CALN1: variants seen among roughly 807,000 people sequenced by gnomAD.
CALN1 encodes the protein calneuron 1.
In CALN1, 17 loss-of-function variants were observed where a neutral mutation model predicts 30.6. That is an observed-to-expected ratio of 0.56 (90% CI 0.38 to 0.83). The LOEUF (loss-of-function observed/expected upper bound fraction) is 0.83, where lower values mean the gene tolerates loss of function less well. Among genes scored for constraint, CALN1 ranks in the 40% least tolerant of loss-of-function variants. The pLI is 0.00. For missense variants in CALN1, 291 were observed against 354.9 expected (o/e 0.82, Z 1.45); for synonymous variants, 156 against 131.4 (o/e 1.19, Z -1.28).
intron 4 of CALN1, among the ~76,000 whole-genome samples, chr7:72,065,303 C>A (rs1013784617): frequency 9.2e-5 from 14 of 152,032 alleles, no homozygotes; most frequent in Non-Finnish European, 1.3e-4. Flanking sequence ...AATCTGTTGA[C>A]TGCTGCAAGT....
At chr7:71,925,183 G>A (rs931986076) in intron 5 of CALN1, among the ~76,000 whole-genome samples, 5 of 152,176 alleles carry the variant, frequency 3.3e-5, no homozygotes, top group African/African-American at 1.2e-4. Flanking sequence ...GGAGGCTGCA[G>A]TGAGCTGAGA....
chr7:72,333,274 T>TA (rs1491046834), intron 2 of CALN1, among the ~76,000 whole-genome samples: 2 of 152,212 alleles, frequency 1.3e-5, no homozygotes, highest in Non-Finnish European at 2.9e-5. Flanking sequence ...GCCTCCCCAC[T>TA]AATCTGTGAA....
intron 4 of CALN1, among the ~76,000 whole-genome samples, chr7:72,066,827 G>A (rs986608220): frequency 3.3e-5 from 5 of 151,326 alleles, no homozygotes; most frequent in East Asian, 1.9e-4. Flanking sequence ...TGTTGCCCAA[G>A]CTAGAATACA....
chr7:72,487,734 A>AAAGAAAGAAAGG, the CALN1 span, among the ~76,000 whole-genome samples: 21 of 56,602 alleles, frequency 3.7e-4, no homozygotes, highest in Non-Finnish European at 5.9e-4. Context: ...AGAAAGAAAG[A>AAAGAAAGAAAGG]AAGGAAGGAA....
the CALN1 span, among the ~76,000 whole-genome samples, chr7:72,472,041 G>A: frequency 2.6e-5 from 4 of 151,916 alleles, no homozygotes; most frequent in Non-Finnish European, 4.4e-5. Flanking sequence ...AGAAATCCTC[G>A]CACCTCGACC....
the CALN1 span, among the ~76,000 whole-genome samples, chr7:72,476,998 G>T: frequency 2.5e-4 from 38 of 152,344 alleles, no homozygotes; most frequent in Admixed American, 1.7e-3. Flanking sequence ...ATCATTTGAG[G>T]TTAGGAGTTC....
chr7:72,034,005 G>A (rs1407417276), intron 4 of CALN1, among the ~76,000 whole-genome samples: 2 of 152,108 alleles, frequency 1.3e-5, no homozygotes, highest in African/African-American at 4.8e-5. Context: ...AGGGCAGGAG[G>A]CAAGAGTGAT....
chr7:72,210,647 G>A (rs1792324183), intron 3 of CALN1, among the ~76,000 whole-genome samples: 1 of 152,052 alleles, frequency 6.6e-6, no homozygotes, highest in African/African-American at 2.4e-5. Flanking sequence ...TAAAAAAACA[G>A]CAGATCTCAT....
At position 72,395,859 on chromosome 7, in the gene CALN1, G is replaced by A. The variant is rs562371217; in HGVS notation, c.119+7392C>T. ...CCTGGGGACTTCTGGGACCTTGGCA[G>A]GGATGTCAGGGAAGGAGCCCAGTGA... On this transcript the variant is annotated intron_variant, in intron 2 of 6. Coordinates refer to ENST00000395275, the MANE Select transcript of CALN1 (RefSeq NM_031468.4). Among the ~76,000 whole-genome samples the A allele has an allele frequency of 7.2e-5, 11 of 152,174 alleles. No individual in the cohort carries two copies. In the East Asian group the frequency reaches 2.1e-3, roughly 29 times the overall value.
intron 2 of CALN1, among the ~76,000 whole-genome samples, chr7:72,395,696 G>C (rs1805886615): frequency 6.6e-6 from 1 of 152,146 alleles, no homozygotes; most frequent in Non-Finnish European, 1.5e-5. Flanking sequence ...GTGAAAGAGT[G>C]ATGAAAAGTT....
intron 5 of CALN1, among the ~76,000 whole-genome samples, chr7:71,889,017 A>G (rs904817504): frequency 3.3e-5 from 5 of 152,268 alleles, no homozygotes; most frequent in African/African-American, 9.6e-5. Context: ...AACTTGGGGT[A>G]CCAGCTACAC....
intron 2 of CALN1, among the ~76,000 whole-genome samples, chr7:72,396,576 G>C (rs1805976261): frequency 6.6e-6 from 1 of 152,174 alleles, no homozygotes; most frequent in African/African-American, 2.4e-5. Flanking sequence ...AGAGATATCT[G>C]AGCACATGTG....
At chr7:72,158,361 C>T (rs1787866247) in intron 3 of CALN1, among the ~76,000 whole-genome samples, 1 of 152,124 alleles carries the variant, frequency 6.6e-6, no homozygotes, top group South Asian at 2.1e-4. Context: ...GAGGCCCTGG[C>T]CGTAGTCCAG....
the CALN1 span, among the ~76,000 whole-genome samples, chr7:72,459,465 C>G: frequency 6.6e-6 from 1 of 152,014 alleles, no homozygotes; most frequent in South Asian, 2.1e-4. Context: ...TATCTGCCTG[C>G]AGAGGCAAGC....
chr7:72,408,675 C>CTTTTT (rs534883618), intron 1 of CALN1, among the ~76,000 whole-genome samples: 10,968 of 77,682 alleles, frequency 0.14, 1,857 homozygotes, highest in East Asian at 0.25. Flanking sequence ...TTATCTTTTC[C>CTTTTT]TTTTTTTTTT....
At chr7:72,437,910 C>CCCTTCCCTCTCTCCCTT (rs1267167837) in intron 1 of CALN1, among the ~76,000 whole-genome samples, 8 of 144,272 alleles carry the variant, frequency 5.5e-5, no homozygotes, top group East Asian at 2.1e-4. Flanking sequence ...CTCCCTCCTT[C>CCCTTCCCTCTCTCCCTT]CCTTCCCTCT....
At chr7:71,831,043 A>G (rs758805822) in intron 5 of CALN1, among the ~76,000 whole-genome samples, 3 of 152,102 alleles carry the variant, frequency 2.0e-5, no homozygotes, top group Non-Finnish European at 4.4e-5. Flanking sequence ...CTCCTCATGC[A>G]CATAAATGCA....
intron 5 of CALN1, among the ~76,000 whole-genome samples, chr7:71,979,255 A>G (rs79222637): frequency 0.058 from 8,887 of 152,202 alleles, 343 homozygotes; most frequent in Admixed American, 0.12. Context: ...TGATTCAAGC[A>G]CATTATATTT....
chr7:71,921,982 A>G (rs1234640632), intron 5 of CALN1, among the ~76,000 whole-genome samples: 1 of 152,232 alleles, frequency 6.6e-6, no homozygotes, highest in East Asian at 1.9e-4. Context: ...CCATTAGGCA[A>G]CAATGAGTGC....
Sources: gnomAD v4.1 joint callset for allele counts (sites outside exome capture counted in the v4.1 genomes callset) on GRCh38, gnomAD v4.1.1 for gene constraint, MANE v1.5 for transcripts, NCBI Gene and HGNC (gene_info 2026-07-23, HGNC 2026-07-21) for gene names.